Variants in PROM1 observed in about 807,000 individuals in gnomAD.
The protein encoded by PROM1 is prominin 1.
Under a neutral mutation model 116.9 loss-of-function variants are expected in PROM1, and 105 were observed. The ratio of observed to expected loss-of-function variants is 0.90; its 90% confidence interval spans 0.77 to 1.06. PROM1 has a LOEUF of 1.06. Ranked by LOEUF, PROM1 falls within the 50% of genes least tolerant of loss-of-function variation. PROM1 has a pLI of 0.00. For missense variants in PROM1, 1,122 were observed against 1,045.2 expected, an observed-to-expected ratio of 1.07 and a Z score of -1.01; for synonymous variants, 393 against 387.0, an observed-to-expected ratio of 1.02 and a Z score of -0.18.
At chr4:16,012,121 C>T (rs1321514447) in intron 11 of PROM1, among the ~76,000 whole-genome samples, 4 of 152,070 alleles carry the variant, frequency 2.6e-5, no homozygotes, top group Non-Finnish European at 4.4e-5. Flanking sequence ...CTCAGCCTCC[C>T]GAGTAGCTGG....
intron 13 of PROM1, among the ~76,000 whole-genome samples, chr4:16,001,154 T>A (rs546098940): frequency 6.6e-6 from 1 of 151,904 alleles, no homozygotes; most frequent in Non-Finnish European, 1.5e-5. Flanking sequence ...ATGATGGAGA[T>A]GTAATATAGG....
At chr4:16,062,924 A>T (rs1740674015) in intron 2 of PROM1, among the ~76,000 whole-genome samples, 2 of 152,182 alleles carry the variant, frequency 1.3e-5, no homozygotes, top group South Asian at 4.1e-4. Flanking sequence ...CTTTTCCCCT[A>T]AAAGTTGCAA....
chr4:15,974,480 T>C (rs923824950), intron 26 of PROM1, among the ~76,000 whole-genome samples: 2 of 152,198 alleles, frequency 1.3e-5, no homozygotes, highest in African/African-American at 2.4e-5. Flanking sequence ...AAACTGAGTT[T>C]GCCACTCAGA....
At chr4:15,994,205 C>T (rs554240493) in intron 15 of PROM1, 134 bp from the exon 16 acceptor site, 4 of 1,483,236 alleles carry the variant, frequency 2.7e-6, no homozygotes, top group Admixed American at 2.4e-5. Flanking sequence ...GCTGCATGTC[C>T]CCAGTGGCCA....
At chr4:15,997,015 A>G (rs1475629524) in intron 15 of PROM1, among the ~76,000 whole-genome samples, 1 of 151,968 alleles carries the variant, frequency 6.6e-6, no homozygotes, top group East Asian at 2.0e-4. Context: ...AAGTGTCACC[A>G]GTGTTTAAAA....
intron 2 of PROM1, among the ~76,000 whole-genome samples, chr4:16,071,443 T>G (rs967947906): frequency 6.6e-6 from 1 of 152,208 alleles, no homozygotes; most frequent in Non-Finnish European, 1.5e-5. Context: ...TGAATATCTG[T>G]GTCCCCTGAC....
At chr4:16,004,895 CT>C (rs1560460892) in intron 13 of PROM1, among the ~76,000 whole-genome samples, 1 of 94,578 alleles carries the variant, frequency 1.1e-5, no homozygotes, top group South Asian at 3.4e-4. Context: ...CTCCCTCCCC[CT>C]CTCTCTCTCC....
Position 16,013,328 on chromosome 4 carries a change from GA to G in PROM1, c.1087del (p.Ser363ProfsTer17), listed in dbSNP as rs1459397187. ...LDGLVQQGYQSLNDIPDRVQR... is the reference protein window; with the variant it reads ...LDGLVQQGYQXLNDIPDRVQR... The stretch of plus-strand genomic sequence containing the variant: ...TACTCTGTCAGGTATATCATTAAGG[GA>G]TTGATAGCCCTGAAAAATATTTCAA... On this transcript the variant is annotated frameshift_variant, in exon 11 of 28. Transcript: ENST00000447510. LOFTEE classifies it high-confidence loss of function. The G allele has an allele frequency of 1.2e-6, 2 of 1,602,392 alleles. No homozygotes were observed. The highest frequency in any genetic ancestry group is 1.7e-6 in the Non-Finnish European group (2 of 1,169,372).
rs1341465797 is a variant in PROM1, at chr4:15,985,770, A to T, written c.2270T>A (p.Ile757Asn). 6.4e-7 allele frequency: 1 copy of T among 1,567,086 alleles called. No homozygotes were observed. Among genetic ancestry groups the T allele is most frequent in the Non-Finnish European group, 8.7e-7 (1 of 1,142,986 alleles). The part of the protein sequence containing the change: ...IGYFEHYLQW[I>N]EFSISEKVAS... ...AGATAAACTACTTACAGAGAACTCGATCCACTGCAGATAATGTTCAAAATA... is the reference window on the plus strand; with the variant it reads ...AGATAAACTACTTACAGAGAACTCGTTCCACTGCAGATAATGTTCAAAATA... The change falls in exon 22 of 28, where the codon ATC (isoleucine) becomes AAC (asparagine). Residue 757 changes from isoleucine (I) to asparagine (N), a missense_variant. Transcript: ENST00000447510.
intron 2 of PROM1, among the ~76,000 whole-genome samples, chr4:16,054,927 T>A (rs1738667503): frequency 6.6e-6 from 1 of 152,166 alleles, no homozygotes; most frequent in Non-Finnish European, 1.5e-5. Context: ...CATCACTAAA[T>A]CCCTGCAACT....
chr4:15,998,514 G>A (rs531145350), intron 14 of PROM1, 26 bp from the exon 15 acceptor site: 22 of 1,545,942 alleles, frequency 1.4e-5, no homozygotes, highest in South Asian at 6.5e-5. Flanking sequence ...AAGTATTTTC[G>A]AAAAATCAGT....
intron 26 of PROM1, among the ~76,000 whole-genome samples, chr4:15,978,650 G>C (rs1716863264): frequency 6.6e-6 from 1 of 152,226 alleles, no homozygotes; most frequent in Non-Finnish European, 1.5e-5. Context: ...TCACTGTGGG[G>C]AGCGGGCTCG....
intron 18 of PROM1, 143 bp downstream of exon 18, chr4:15,991,079 C>A (rs2058144): frequency 6.0e-6 from 4 of 662,980 alleles, no homozygotes; most frequent in Non-Finnish European, 1.0e-5. Context: ...TGGACGGAAA[C>A]GTAATGACAC....
At chr4:15,980,360 C>A in intron 24 of PROM1, 62 bp downstream of exon 24, 1 of 1,075,242 alleles carries the variant, frequency 9.3e-7, no homozygotes, top group Non-Finnish European at 1.4e-6. Flanking sequence ...TCTTTAGCAA[C>A]TCTTTGAAGA....
chr4:16,027,061 T>A (rs1369514963), intron 5 of PROM1, among the ~76,000 whole-genome samples: 1 of 152,208 alleles, frequency 6.6e-6, no homozygotes, highest in African/African-American at 2.4e-5. Flanking sequence ...AGAGTAGTAC[T>A]GGATGTACAC....
chr4:16,021,295 G>T lies in PROM1; in HGVS notation c.784+2031C>A, dbSNP rs559521724. 4.9e-4 allele frequency among the ~76,000 whole-genome samples: 75 copies of T among 152,248 alleles called. 1 individual carries two copies. The highest frequency in any genetic ancestry group is 7.1e-4 in the Non-Finnish European group (48 of 68,028). ...TTTACCTAAAAAGTACTAAAATTCA[G>T]TTACTAAAAATTGCAAGAACATTGG... is the stretch of plus-strand genomic sequence containing the variant. On this transcript the variant is annotated intron_variant, in intron 8 of 27. Transcript: ENST00000447510.
At chr4:15,979,994 C>T (rs992097766) in intron 24 of PROM1, 90 bp from the exon 25 acceptor site, 21 of 783,212 alleles carry the variant, frequency 2.7e-5, no homozygotes, top group African/African-American at 1.8e-4. Flanking sequence ...TACTCTAACA[C>T]GGATACTGAC....
At chr4:16,023,179 A>G (rs1730333503) in intron 8 of PROM1, 147 bp downstream of exon 8, 1 of 678,678 alleles carries the variant, frequency 1.5e-6, no homozygotes. Context: ...ATTGCAACAC[A>G]GTGTCTTGAC....
At chr4:16,041,870 C>T (rs1028892027) in intron 2 of PROM1, among the ~76,000 whole-genome samples, 1 of 151,078 alleles carries the variant, frequency 6.6e-6, no homozygotes, top group Non-Finnish European at 1.5e-5. Flanking sequence ...AGCCCTTAAT[C>T]GTGGTTCACT....
Sources: gnomAD v4.1 joint callset for allele counts (sites outside exome capture counted in the v4.1 genomes callset) on GRCh38, gnomAD v4.1.1 for gene constraint, MANE v1.5 for transcripts, NCBI Gene and HGNC (gene_info 2026-07-23, HGNC 2026-07-21) for gene names.